The following CDHR1 variants were observed in gnomAD, a reference collection of about 807,000 sequenced individuals.
CDHR1 encodes the protein cadherin-related family member 1.
In CDHR1, 61 loss-of-function variants were observed where a neutral mutation model predicts 72.1. The observed-to-expected ratio is 0.85, with a 90% CI of 0.69 to 1.05. The LOEUF is 1.05. CDHR1 is among the 50% of genes least tolerant of loss of function. The probability of loss-of-function intolerance (pLI) is 0.00; values close to 1 mark genes in which losing one functional copy is unlikely to be tolerated. For missense variants in CDHR1, 1,186 were observed against 1,115.7 expected (o/e 1.06, Z -0.90); for synonymous variants, 470 against 448.1 (o/e 1.05, Z -0.62).
At position 84,217,245 on chromosome 10, in the gene CDHR1, C is replaced by T; in HGVS notation, c.*2624C>T. ...GGACAGGCAGAGCTCCAGGCTGGCA[C>T]CATGGTAGGCCTCCAGGGAAAGAGC... On this transcript the variant is annotated 3_prime_UTR_variant, in exon 17 of 17. Coordinates refer to ENST00000623527, the MANE Select transcript of CDHR1 (RefSeq NM_033100.4). 1.0e-6 allele frequency: 1 copy of T among 983,606 alleles called. No individual in the cohort carries two copies. Among genetic ancestry groups the T allele is most frequent in the Non-Finnish European group, 1.2e-6 (1 of 829,974 alleles). 60.9% of individuals were successfully genotyped at this position (983,606 alleles called of 1,614,324 possible).
chr10:84,219,172 A>G (rs1375569572), downstream of CDHR1: 3 of 1,550,576 alleles, frequency 1.9e-6, no homozygotes, highest in East Asian at 7.3e-5. Flanking sequence ...ACCACATTCC[A>G]GCCAGGGTCT....
At position 84,204,582 on chromosome 10, in the gene CDHR1, G is replaced by A. The variant is rs201649854; in HGVS notation, c.839G>A (p.Arg280Gln). The A allele has an allele frequency of 4.5e-5, 73 of 1,613,312 alleles. No homozygotes were observed. In the East Asian group the frequency reaches 6.2e-4, roughly 14 times the overall value. ...AMDGDRGKPN[R>Q]ILYSLVNGND... ...GATGGAGACCGGGGCAAACCCAATC[G>A]AATTCTCTACAGCCTTGTAAATGGT... Residue 280 changes from arginine (R) to glutamine (Q), a missense_variant, in exon 9 of 17, where the codon CGA (arginine) becomes CAA (glutamine). Coordinates refer to ENST00000623527, the MANE Select transcript of CDHR1 (RefSeq NM_033100.4).
intron 14 of CDHR1, 108 bp from the exon 15 acceptor site, chr10:84,212,071 T>C: frequency 1.0e-6 from 1 of 981,624 alleles, no homozygotes; most frequent in Non-Finnish European, 1.6e-6. Context: ...AGGAGCTGCA[T>C]GACACCTCAC....
chr10:84,205,528 A>ACACACACG (rs2132813688), intron 9 of CDHR1, among the ~76,000 whole-genome samples: 1 of 151,176 alleles, frequency 6.6e-6, no homozygotes, highest in South Asian at 2.1e-4. Flanking sequence ...ACACACACAC[A>ACACACACG]CACACACACA....
At chr10:84,213,890 A>G (rs1216613267) in intron 16 of CDHR1, among the ~76,000 whole-genome samples, 192 bp from the exon 17 acceptor site, 1 of 152,220 alleles carries the variant, frequency 6.6e-6, no homozygotes, top group Non-Finnish European at 1.5e-5. Context: ...ATTTTTCTGG[A>G]GAACTGCATG....
chr10:84,213,875 C>T lies in CDHR1; in HGVS notation c.2041-207C>T, dbSNP rs369359598. ...AGTGGTCTGCACCATGCTGGGTCTG[C>T]GTGCATTTTTCTGGAGAACTGCATG... On this transcript the variant is annotated intron_variant, in intron 16 of 16. Coordinates refer to ENST00000623527, the MANE Select transcript of CDHR1 (RefSeq NM_033100.4). Among the ~76,000 whole-genome samples the T allele has an allele frequency of 1.3e-4, 20 of 152,306 alleles. No individual in the cohort carries two copies. In the East Asian group the frequency reaches 2.3e-3, roughly 18 times the overall value.
At chr10:84,199,192 T>G in intron 5 of CDHR1, 71 bp downstream of exon 5, 1 of 1,304,738 alleles carries the variant, frequency 7.7e-7, no homozygotes, top group Non-Finnish European at 1.1e-6. Flanking sequence ...GGCTGCCCTG[T>G]GGCCTGGCCA....
At position 84,212,683 on chromosome 10, in the gene CDHR1, T is replaced by G. The variant is rs542123461; in HGVS notation, c.1782+276T>G. ...CTGGTCTGCCTGCTTTTCAAAAGAG[T>G]GGTTTTCTCACCGCACTTTGTCATT... On this transcript the variant is annotated intron_variant, in intron 15 of 16. Transcript: ENST00000623527. Among the ~76,000 whole-genome samples the G allele has an allele frequency of 1.7e-3, 261 of 152,278 alleles. 1 individual carries two copies. The highest frequency in any genetic ancestry group is 3.3e-3 in the Non-Finnish European group (225 of 68,018).
chr10:84,202,942 T>C (rs1315035059), intron 7 of CDHR1, 38 bp from the exon 8 acceptor site: 1 of 1,613,760 alleles, frequency 6.2e-7, no homozygotes, highest in Non-Finnish European at 8.5e-7. Context: ...ACATCTCAAC[T>C]TGTCTTCACT....
chr10:84,214,711 G>A lies in CDHR1; in HGVS notation c.*90G>A. On this transcript the variant is annotated 3_prime_UTR_variant, in exon 17 of 17. Coordinates refer to ENST00000623527, the MANE Select transcript of CDHR1 (RefSeq NM_033100.4). ...ATGCTCCCCTTCCTCTGCTCCTTAA[G>A]GTCACTGACCCCTGTTTTGCACAAT... 1 of 1,588,318 alleles carries A rather than the reference G, an allele frequency of 6.3e-7. No homozygotes were observed.
At position 84,212,523 on chromosome 10, in the gene CDHR1, A is replaced by G; in HGVS notation, c.1782+116A>G. 5 of 784,238 alleles carry G rather than the reference A, an allele frequency of 6.4e-6. No individual in the cohort carries two copies. The South Asian group carries it at 7.3e-5, about 11-fold the overall frequency. The allele number at this position is 784,238 out of a possible 1,614,324, so 48.6% of individuals were successfully genotyped here. ...ATTTTTTGGCTTCCCACCATGGACA[A>G]AGGACTTTAAGACATTTTGTATATC... On this transcript the variant is annotated intron_variant, in intron 15 of 16. Transcript: ENST00000623527.
chr10:84,204,401 G>T (rs147538849), intron 8 of CDHR1, 126 bp from the exon 9 acceptor site: 1 of 735,554 alleles, frequency 1.4e-6, no homozygotes, highest in Non-Finnish European at 2.5e-6. Flanking sequence ...ATGCTCCACC[G>T]CCACGTAGAG....
At chr10:84,197,867 G>A in intron 4 of CDHR1, 31 bp downstream of exon 4, 1 of 1,607,704 alleles carries the variant, frequency 6.2e-7, no homozygotes, top group Non-Finnish European at 8.5e-7. Flanking sequence ...GTCCCTGGCA[G>A]CCTGCAGTAT....
chr10:84,211,707 G>T lies in CDHR1; in HGVS notation c.1545G>T (p.Gly515=). 1 of 1,613,836 alleles carries T rather than the reference G, an allele frequency of 6.2e-7. No individual in the cohort carries two copies. The highest frequency in any genetic ancestry group is 8.5e-7 in the Non-Finnish European group (1 of 1,179,696). Residue 515 remains glycine, a synonymous_variant, in exon 14 of 17, where the codon GGG becomes GGT. Transcript: ENST00000623527. The part of the protein sequence containing the change: ...GEVKYSTYGT[G]ADLFLIHPST... ...TGAAATATTCCACCTATGGGACTGGGGCAGACCTGTAAGTAGATCCAGAAT... is the reference window on the plus strand; with the variant it reads ...TGAAATATTCCACCTATGGGACTGGTGCAGACCTGTAAGTAGATCCAGAAT...
At chr10:84,203,663 G>A (rs549845834) in intron 8 of CDHR1, among the ~76,000 whole-genome samples, 97 of 152,302 alleles carry the variant, frequency 6.4e-4, no homozygotes, top group African/African-American at 2.3e-3. Flanking sequence ...TGATCCACCC[G>A]CCTTGGCCTC....
At chr10:84,201,658 C>T (rs556835314) in intron 6 of CDHR1, 149 bp from the exon 7 acceptor site, 3 of 671,534 alleles carry the variant, frequency 4.5e-6, no homozygotes, top group Admixed American at 2.2e-5. Flanking sequence ...GAACCTGGGA[C>T]CAGAAAAGCT....
intron 9 of CDHR1, among the ~76,000 whole-genome samples, chr10:84,205,409 C>T (rs928766056): frequency 1.3e-5 from 2 of 151,826 alleles, no homozygotes; most frequent in African/African-American, 4.8e-5. Flanking sequence ...CCACTCCACA[C>T]CCTCCCTCTC....
At chr10:84,196,872 C>G (rs1364028609) in intron 3 of CDHR1, among the ~76,000 whole-genome samples, 1 of 152,176 alleles carries the variant, frequency 6.6e-6, no homozygotes, top group Non-Finnish European at 1.5e-5. Context: ...AGAGTGGGCT[C>G]CTTTAACGAG....
chr10:84,201,843 G>A lies in CDHR1; in HGVS notation c.562G>A (p.Gly188Ser), dbSNP rs748412274. 200 of 1,610,118 alleles carry A rather than the reference G, an allele frequency of 1.2e-4. 1 individual carries two copies. The highest frequency in any genetic ancestry group is 1.6e-4 in the Non-Finnish European group (189 of 1,180,018). ...HSPFAVDRHS[G>S]VLRLQAGATL... ...CCCATTTGCCGTGGACCGCCACAGC[G>A]GTGTGCTGCGCCTCCAGGCTGGGGC... The change falls in exon 7 of 17, where the codon GGT (glycine) becomes AGT (serine). Residue 188 changes from glycine to serine, a missense_variant. Coordinates refer to ENST00000623527, the MANE Select transcript of CDHR1 (RefSeq NM_033100.4).
Sources: allele counts gnomAD v4.1 joint callset (sites outside exome capture counted in the v4.1 genomes callset), GRCh38; gene constraint gnomAD v4.1.1; transcripts MANE v1.5; gene names NCBI Gene and HGNC (gene_info 2026-07-23, HGNC 2026-07-21).